ZNF768: variants seen among roughly 807,000 people sequenced by gnomAD.
ZNF768 encodes zinc finger protein 768.
A neutral mutation model predicts 39.7 loss-of-function variants in ZNF768; 12 were observed. The ratio of observed to expected loss-of-function variants is 0.30; its 90% CI spans 0.19 to 0.49. The LOEUF is 0.49. Among genes scored for constraint, ZNF768 ranks in the 20% least tolerant of loss-of-function variants. The pLI is 0.99. For missense variants in ZNF768, 613 were observed against 723.2 expected, an observed-to-expected ratio of 0.85 and a Z score of 1.75; for synonymous variants, 360 against 288.4, an observed-to-expected ratio of 1.25 and a Z score of -2.52.
chr16:30,527,640 T>A (rs1176784480), upstream of ZNF768: 1 of 152,156 alleles, frequency 6.6e-6, no homozygotes, highest in Non-Finnish European at 1.5e-5. Context: ...CCATCAAAAC[T>A]TTTCCCGCCC....
chr16:30,524,299 A>C lies in ZNF768; in HGVS notation c.*218T>G. 2 of 662,660 alleles carry C rather than the reference A, an allele frequency of 3.0e-6. No individual in the cohort carries two copies. The highest frequency in any genetic ancestry group is 2.2e-6 in the Non-Finnish European group (1 of 447,010). 41.0% of individuals were successfully genotyped at this position (662,660 alleles called of 1,614,324 possible). On this transcript the variant is annotated 3_prime_UTR_variant, in exon 2 of 2. Coordinates refer to ENST00000380412, the MANE Select transcript of ZNF768 (RefSeq NM_024671.4). The stretch of plus-strand genomic sequence containing the variant: ...GCCAGCCCTCCGCTGACCTCTCTCC[A>C]TTTCTCCCAGGGCCTCCCGCTGCCG...
chr16:30,525,750 AGGTTCATAGCCAGGGCTTTGG>A lies in ZNF768; in HGVS notation c.369_389del (p.Gln124_Pro130del). ...TCCGGGGTTCATACCCGGGGCTCCG[AGGTTCATAGCCAGGGCTTTGG>A]GGTTCATACCTAGGGCTCTGGGATT... On this transcript the variant is annotated inframe_deletion, in exon 2 of 2. Transcript: ENST00000380412. 1 of 1,604,170 alleles carries A rather than the reference AGGTTCATAGCCAGGGCTTTGG, an allele frequency of 6.2e-7. No homozygotes were observed. Among genetic ancestry groups the A allele is most frequent in the Non-Finnish European group, 8.5e-7 (1 of 1,176,082 alleles).
intron 1 of ZNF768, 125 bp from the exon 2 acceptor site, chr16:30,526,176 C>T: frequency 6.6e-7 from 1 of 1,504,022 alleles, no homozygotes; most frequent in Non-Finnish European, 8.8e-7. Context: ...ATTCCCACGC[C>T]CCCCTCAGCT....
chr16:30,525,836 G>C lies in ZNF768; in HGVS notation c.304C>G (p.Pro102Ala), dbSNP rs1429253500. Residue 102 changes from proline (P) to alanine (A), a missense_variant, in exon 2 of 2, where the codon CCC becomes GCC. Transcript: ENST00000380412. ...TGAGAATCTGATTCAGGGCTTCTGG[G>C]TGCAAACTCAGGGCTTGGGGGCACA... ...GLVPPSPEFA[P>A]RSPESDSQSP... The C allele has an allele frequency of 1.3e-6, 2 of 1,531,814 alleles. No homozygotes were observed. The highest frequency in any genetic ancestry group is 8.7e-7 in the Non-Finnish European group (1 of 1,144,666). The allele number at this position is 1,531,814 out of a possible 1,614,324, so 94.9% of individuals were successfully genotyped here.
chr16:30,526,777 C>T (rs1043670918), upstream of ZNF768: 1 of 207,436 alleles, frequency 4.8e-6, no homozygotes, highest in African/African-American at 2.6e-5. Flanking sequence ...GCTGCACTGT[C>T]CAACGGCCGC....
At chr16:30,529,656 T>C (rs550329794), upstream of ZNF768, among the ~76,000 whole-genome samples, 238 of 152,270 alleles carry the variant, frequency 1.6e-3, no homozygotes, top group Admixed American at 5.2e-3. Flanking sequence ...ATGCCTGACA[T>C]TGGGGACAGG....
At position 30,524,515 on chromosome 16, in the gene ZNF768, G is replaced by A. The variant is rs1231499972; in HGVS notation, c.*2C>T. ...ACCTCCCACCCCTGCTGGGGCCCCA[G>A]GTCAGCGCCGGCCCGCCGCGTGGGT... On this transcript the variant is annotated 3_prime_UTR_variant, in exon 2 of 2. Coordinates refer to ENST00000380412, the MANE Select transcript of ZNF768 (RefSeq NM_024671.4). The A allele has an allele frequency of 6.2e-7, 1 of 1,603,768 alleles. No homozygotes were observed. The highest frequency in any genetic ancestry group is 2.2e-5 in the East Asian group (1 of 44,838).
Position 30,526,322 on chromosome 16 carries a change from T to G in ZNF768, c.88+4A>C. On this transcript the variant is annotated splice_donor_region_variant and intron_variant, in intron 1 of 1. Transcript: ENST00000380412. ...CACTCCTCGGACGGGCGCTCCCTCC[T>G]CACCTCTGAGGTACCCTTCGGGGCT... 1.2e-6 allele frequency: 2 copies of G among 1,608,210 alleles called. No individual in the cohort carries two copies. The highest frequency in any genetic ancestry group is 8.5e-7 in the Non-Finnish European group (1 of 1,177,684).
At chr16:30,529,828 T>G (rs558687397), upstream of ZNF768, among the ~76,000 whole-genome samples, 796 of 149,778 alleles carry the variant, frequency 5.3e-3, 10 homozygotes, top group African/African-American at 0.019. Flanking sequence ...CTAGTTTTTT[T>G]TTTTTTTTTT....
chr16:30,526,621 C>G (rs1246309233), upstream of ZNF768: 8 of 999,568 alleles, frequency 8.0e-6, no homozygotes, highest in Non-Finnish European at 9.5e-6. Flanking sequence ...GGCCCCGCCC[C>G]CTCCCAAGGT....
upstream of ZNF768, chr16:30,527,564 C>T (rs368717441): frequency 6.5e-6 from 1 of 154,570 alleles, no homozygotes; most frequent in Non-Finnish European, 1.4e-5. Flanking sequence ...CCCCTGTCGG[C>T]CAGAAGCGCC....
Position 30,525,757 on chromosome 16 carries a change from T to C in ZNF768, c.383A>G (p.Tyr128Cys). The C allele has an allele frequency of 1.3e-6, 2 of 1,599,144 alleles. No individual in the cohort carries two copies. The highest frequency in any genetic ancestry group is 1.1e-5 in the South Asian group (1 of 89,208). ...TTCATACCCGGGGCTCCGAGGTTCA[T>C]AGCCAGGGCTTTGGGGTTCATACCT... is the stretch of plus-strand genomic sequence containing the variant. The part of the protein sequence containing the change: ...SPRYEPQSPG[Y>C]EPRSPGYEPR... Residue 128 changes from tyrosine to cysteine, a missense_variant, in exon 2 of 2, where the codon TAT becomes TGT. Transcript: ENST00000380412.
At chr16:30,526,618 C>T, upstream of ZNF768, 1 of 1,000,664 alleles carries the variant, frequency 1.0e-6, no homozygotes, top group Non-Finnish European at 1.2e-6. Context: ...CGCGGCCCCG[C>T]CCCCTCCCAA....
intron 1 of ZNF768, 84 bp downstream of exon 1, chr16:30,526,242 C>T (rs1411250015): frequency 6.3e-7 from 1 of 1,582,276 alleles, no homozygotes; most frequent in Admixed American, 1.8e-5. Context: ...GGTGTCCCAG[C>T]CCCGGGCCCT....
chr16:30,526,394 G>C lies in ZNF768; in HGVS notation c.20C>G (p.Pro7Arg). The C allele has an allele frequency of 6.3e-7, 1 of 1,598,572 alleles. No homozygotes were observed. Among genetic ancestry groups the C allele is most frequent in the Non-Finnish European group, 8.5e-7 (1 of 1,173,920 alleles). ...CACATCCTGGGGCTCGAGGCCCCAC[G>C]GCAACGCCTCCCGCTCCATCCCCGC... is the stretch of plus-strand genomic sequence containing the variant. MEREAL[P>R]WGLEPQDVQS... Residue 7 changes from proline to arginine, a missense_variant, in exon 1 of 2, where the codon CCG becomes CGG. Pro to Arg is a moderately radical substitution (Grantham distance 103). This residue lies in a region of ZNF768 where 347 missense variants were observed against 326.1 expected (regional missense o/e 1.06). Transcript: ENST00000380412.
chr16:30,526,082 G>C, intron 1 of ZNF768, 31 bp from the exon 2 acceptor site: 1 of 1,493,226 alleles, frequency 6.7e-7, no homozygotes, highest in Non-Finnish European at 8.9e-7. Context: ...GATCGTGTGA[G>C]ACCTGGAAGG....
chr16:30,524,146 T>A lies in ZNF768; in HGVS notation c.*371A>T. The A allele has an allele frequency of 5.1e-6, 1 of 195,898 alleles. No homozygotes were observed. Among genetic ancestry groups the A allele is most frequent in the Non-Finnish European group, 1.0e-5 (1 of 95,838 alleles). The allele number at this position is 195,898 out of a possible 1,614,324, so 12.1% of individuals were successfully genotyped here. A position where few individuals can be genotyped will look rare whatever the true frequency, so the allele number is the denominator to read the frequency against. On this transcript the variant is annotated 3_prime_UTR_variant, in exon 2 of 2. Coordinates refer to ENST00000380412, the MANE Select transcript of ZNF768 (RefSeq NM_024671.4). The stretch of plus-strand genomic sequence containing the variant: ...ACCCCACCTACCTTTTACCCGCTCC[T>A]GACTCAACGAGAGTTTCAGCAGCTA...
In ZNF768 at chr16:30,524,299, A is replaced by G. The variant is rs1052889949; in HGVS notation, c.*218T>C. ...GCCAGCCCTCCGCTGACCTCTCTCC[A>G]TTTCTCCCAGGGCCTCCCGCTGCCG... is the stretch of plus-strand genomic sequence containing the variant. On this transcript the variant is annotated 3_prime_UTR_variant, in exon 2 of 2. Coordinates refer to ENST00000380412, the MANE Select transcript of ZNF768 (RefSeq NM_024671.4). 135 of 662,666 alleles carry G rather than the reference A, an allele frequency of 2.0e-4. No homozygotes were observed. In the African/African-American group the frequency reaches 2.7e-3, roughly 13 times the overall value. The allele number at this position is 662,666 out of a possible 1,614,324, so 41.0% of individuals were successfully genotyped here. A position where few individuals can be genotyped will look rare whatever the true frequency, so the allele number is the denominator to read the frequency against.
upstream of ZNF768, chr16:30,527,024 C>A (rs566904979): frequency 1.0e-5 from 10 of 985,466 alleles, no homozygotes; most frequent in South Asian, 3.8e-4. Flanking sequence ...AGAGGCCCGT[C>A]TGTCCATCTC....
Sources: allele counts gnomAD v4.1 joint callset (sites outside exome capture counted in the v4.1 genomes callset), GRCh38; gene constraint gnomAD v4.1.1; regional missense constraint gnomAD v4.1.1; transcripts MANE v1.5; gene names NCBI Gene and HGNC (gene_info 2026-07-23, HGNC 2026-07-21).